Variants in NDUFAF6 observed in about 807,000 individuals in gnomAD.
NDUFAF6 encodes NADH:ubiquinone oxidoreductase complex assembly factor 6, also known as NADH dehydrogenase (ubiquinone) complex I, assembly factor 6.
NDUFAF6 carries 45 observed loss-of-function variants against 40.8 expected under a neutral mutation model. The observed-to-expected ratio is 1.10, with a 90% CI of 0.87 to 1.42. The LOEUF (loss-of-function observed/expected upper bound fraction) is 1.42. Ranked by LOEUF, NDUFAF6 falls within the 40% of genes most tolerant of loss-of-function variation. NDUFAF6 has a pLI of 0.00. For missense variants in NDUFAF6, 435 were observed against 418.5 expected, an observed-to-expected ratio of 1.04 and a Z score of -0.34; for synonymous variants, 185 against 155.9, an observed-to-expected ratio of 1.19 and a Z score of -1.39.
intron 1 of NDUFAF6, chr8:94,927,846 TC>T (rs1353570944): frequency 6.6e-6 from 1 of 152,508 alleles, no homozygotes; most frequent in Non-Finnish European, 1.5e-5. Context: ...AGGTCTTATT[TC>T]TCACTGCTTG....
intron 1 of NDUFAF6, chr8:94,932,071 CTG>C (rs759754798): frequency 3.1e-6 from 5 of 1,609,966 alleles, no homozygotes; most frequent in Non-Finnish European, 4.2e-6. Context: ...TATACTTACT[CTG>C]TGCCCGTGAG....
chr8:94,972,363 T>G (rs143390052), intron 1 of NDUFAF6, among the ~76,000 whole-genome samples: 1 of 152,284 alleles, frequency 6.6e-6, no homozygotes, highest in African/African-American at 2.4e-5. Flanking sequence ...TGCTTCAGCC[T>G]GCCAAGTAGC....
intron 4 of NDUFAF6, among the ~76,000 whole-genome samples, chr8:95,110,202 G>A (rs1326511708): frequency 6.6e-6 from 1 of 152,218 alleles, no homozygotes; most frequent in Non-Finnish European, 1.5e-5. Context: ...AGAACAGAAT[G>A]AATGTATTTA....
chr8:95,082,115 A>T (rs1252006101), intron 2 of NDUFAF6, among the ~76,000 whole-genome samples: 1 of 152,176 alleles, frequency 6.6e-6, no homozygotes, highest in East Asian at 1.9e-4. Context: ...TCTGAAAAAG[A>T]GAGAAACAAA....
chr8:94,980,998 A>G, intron 2 of NDUFAF6: 1 of 456,592 alleles, frequency 2.2e-6, no homozygotes, highest in Admixed American at 2.3e-5. Context: ...GAAATCAGTT[A>G]AATTAGTGCC....
At chr8:95,071,288 C>T (rs1278415221) in intron 9 of NDUFAF6, among the ~76,000 whole-genome samples, 2 of 150,796 alleles carry the variant, frequency 1.3e-5, no homozygotes, top group Non-Finnish European at 3.0e-5. Context: ...GTCCCAGCTA[C>T]TCGGGAGGCT....
chr8:94,963,808 G>A lies in NDUFAF6; in HGVS notation c.-199+5629G>A, dbSNP rs150996876. 1.3e-3 allele frequency among the ~76,000 whole-genome samples: 192 copies of A among 152,326 alleles called. No homozygotes were observed. The Middle Eastern group carries it at 0.027, about 22-fold the overall frequency. ...GAGCCAGAGAGCAGAGGGCATTTAGGGAGAACAGGGCAGTAGCTGGGGAAG... is the reference window on the plus strand; with the variant it reads ...GAGCCAGAGAGCAGAGGGCATTTAGAGAGAACAGGGCAGTAGCTGGGGAAG... On this transcript the variant is annotated intron_variant, in intron 1 of 9. Transcript: ENST00000396111.
At chr8:94,996,909 G>C (rs1554652599) in intron 2 of NDUFAF6, among the ~76,000 whole-genome samples, 1 of 152,140 alleles carries the variant, frequency 6.6e-6, no homozygotes, top group Non-Finnish European at 1.5e-5. Flanking sequence ...GAAGAAACCA[G>C]CACCTTGATC....
At chr8:95,063,595 T>TCAAAA (rs555858161), downstream of NDUFAF6, among the ~76,000 whole-genome samples, 15 of 152,318 alleles carry the variant, frequency 9.8e-5, no homozygotes, top group East Asian at 9.6e-4. Context: ...AGACTCTGTC[T>TCAAAA]CAAAACAAAA....
chr8:95,051,954 T>C (rs1046586669), intron 7 of NDUFAF6, among the ~76,000 whole-genome samples: 2 of 152,202 alleles, frequency 1.3e-5, no homozygotes, highest in African/African-American at 4.8e-5. Flanking sequence ...TGGAAAATGC[T>C]AAAGCCAATC....
chr8:94,940,617 CTG>C (rs1391124088), intron 1 of NDUFAF6, among the ~76,000 whole-genome samples: 1 of 152,160 alleles, frequency 6.6e-6, no homozygotes, highest in Non-Finnish European at 1.5e-5. Context: ...TCTAATCAAT[CTG>C]TGAGAGTTGC....
At chr8:95,071,315 G>A (rs1444959093) in intron 9 of NDUFAF6, among the ~76,000 whole-genome samples, 1 of 150,358 alleles carries the variant, frequency 6.7e-6, no homozygotes, top group East Asian at 2.0e-4. Context: ...GGAGAATGGC[G>A]TGAACCTGGG....
At chr8:95,086,101 C>G (rs1436379334) in intron 2 of NDUFAF6, among the ~76,000 whole-genome samples, 1 of 152,110 alleles carries the variant, frequency 6.6e-6, no homozygotes, top group African/African-American at 2.4e-5. Context: ...TGCCTCTAGA[C>G]CAGCCTGGGT....
upstream of NDUFAF6, among the ~76,000 whole-genome samples, chr8:95,096,428 C>T (rs779827448): frequency 8.5e-5 from 13 of 152,268 alleles, no homozygotes; most frequent in Non-Finnish European, 1.0e-4. Flanking sequence ...AAAGCACCTT[C>T]GGGTTTTGTA....
intron 1 of NDUFAF6, among the ~76,000 whole-genome samples, chr8:94,969,456 G>A (rs908614724): frequency 6.6e-6 from 1 of 152,152 alleles, no homozygotes; most frequent in Non-Finnish European, 1.5e-5. Context: ...AAGTCATAAG[G>A]TCAGCAGCTG....
intron 1 of NDUFAF6, among the ~76,000 whole-genome samples, chr8:94,922,492 T>A (rs1164044345): frequency 6.6e-6 from 1 of 151,614 alleles, no homozygotes; most frequent in Admixed American, 6.6e-5. Context: ...TTTTTTTTTT[T>A]TTTTGAGGCA....
upstream of NDUFAF6, among the ~76,000 whole-genome samples, chr8:94,957,029 G>A (rs4582532): frequency 0.5 from 75,126 of 151,590 alleles, 18,946 homozygotes; most frequent in East Asian, 0.72. Context: ...AAAATTACCC[G>A]GGCGGGGTGG....
rs992902882 is a variant in NDUFAF6 at position 94,981,247 on chromosome 8, C to T, written c.-84+274C>T. Among the ~76,000 whole-genome samples, 6 of 152,118 alleles carry T rather than the reference C, an allele frequency of 3.9e-5. No individual in the cohort carries two copies. In the South Asian group the frequency reaches 6.2e-4, roughly 16 times the overall value. On this transcript the variant is annotated intron_variant, in intron 2 of 9. Transcript: ENST00000396111. ...TGTTATAAAGCAAGGCTGCCTTTTG[C>T]GTTTGGTCTCTTTTGCTTGCCCGTC...
intron 9 of NDUFAF6, among the ~76,000 whole-genome samples, chr8:95,064,526 T>A (rs1002179414): frequency 7.1e-6 from 1 of 140,094 alleles, no homozygotes; most frequent in South Asian, 2.5e-4. Flanking sequence ...GCCACTGTGA[T>A]ATTATCATTT....
Sources: allele counts gnomAD v4.1 joint callset (sites outside exome capture counted in the v4.1 genomes callset), GRCh38; gene constraint gnomAD v4.1.1; transcripts MANE v1.5; gene names NCBI Gene and HGNC (gene_info 2026-07-23, HGNC 2026-07-21).